Variants in RANBP3L observed in about 807,000 individuals in gnomAD.
RANBP3L encodes the protein RAN binding protein 3 like.
In RANBP3L, 56 loss-of-function variants were observed where a neutral mutation model predicts 67.2. The observed-to-expected ratio is 0.83, with a 90% CI of 0.67 to 1.04. The LOEUF (loss-of-function observed/expected upper bound fraction) is 1.04. RANBP3L is among the 50% of genes least tolerant of loss of function. RANBP3L has a pLI of 0.00. For missense variants in RANBP3L, 496 were observed against 535.5 expected (o/e 0.93, Z 0.73); for synonymous variants, 164 against 181.4 (o/e 0.90, Z 0.77).
intron 1 of RANBP3L, 61 bp downstream of exon 1, chr5:36,301,265 C>T: frequency 2.4e-6 from 3 of 1,273,582 alleles, no homozygotes; most frequent in Non-Finnish European, 3.4e-6. Flanking sequence ...CACCATTCTT[C>T]CTGGAATGCA....
intron 1 of RANBP3L, among the ~76,000 whole-genome samples, chr5:36,298,520 C>G (rs1377236072): frequency 6.6e-6 from 1 of 152,154 alleles, no homozygotes; most frequent in African/African-American, 2.4e-5. Flanking sequence ...GGGACCTTTG[C>G]TGAACTTCAC....
chr5:36,250,554 A>T lies in RANBP3L; in HGVS notation c.1354+759T>A, dbSNP rs1308075733. Among the ~76,000 whole-genome samples the T allele has an allele frequency of 3.9e-5, 6 of 152,202 alleles. No individual in the cohort carries two copies. The East Asian group carries it at 9.6e-4, about 24-fold the overall frequency. ...TGAAAAAAATGCTTGTTACCACACTATCGTTGTAATTGTATTACTCAGTCC... is the reference window on the plus strand; with the variant it reads ...TGAAAAAAATGCTTGTTACCACACTTTCGTTGTAATTGTATTACTCAGTCC... On this transcript the variant is annotated intron_variant, in intron 13 of 13. Transcript: ENST00000296604.
intron 6 of RANBP3L, among the ~76,000 whole-genome samples, chr5:36,263,456 A>G (rs1374142532): frequency 6.6e-6 from 1 of 152,240 alleles, no homozygotes; most frequent in Non-Finnish European, 1.5e-5. Context: ...CTCTATATTT[A>G]TAGTGCATGC....
chr5:36,286,187 T>A (rs1751315501), intron 1 of RANBP3L, among the ~76,000 whole-genome samples: 2 of 152,202 alleles, frequency 1.3e-5, no homozygotes, highest in Admixed American at 1.3e-4. Flanking sequence ...TTTGCTTTAT[T>A]TTAACATGGT....
chr5:36,264,826 G>T, intron 6 of RANBP3L, 133 bp downstream of exon 6: 1 of 729,384 alleles, frequency 1.4e-6, no homozygotes, highest in Non-Finnish European at 2.3e-6. Context: ...GTTTACCAAG[G>T]GCTTTATGCT....
chr5:36,249,544 T>C lies in RANBP3L; in HGVS notation c.*110A>G, dbSNP rs546648442. The C allele has an allele frequency of 2.7e-5, 14 of 512,290 alleles. No homozygotes were observed. Among genetic ancestry groups the C allele is most frequent in the Middle Eastern group, 6.0e-4 (2 of 3,358 alleles). The allele number at this position is 512,290 out of a possible 1,614,324, so 31.7% of individuals were successfully genotyped here. A position where few individuals can be genotyped will look rare whatever the true frequency, so the allele number is the denominator to read the frequency against. ...AAATTACATTTCTTAAACTTTTCTA[T>C]AAAAACTCTTCAAGGAATGAATAGA... On this transcript the variant is annotated 3_prime_UTR_variant, in exon 14 of 14. Transcript: ENST00000296604.
At chr5:36,268,996 C>T (rs1404976622) in intron 4 of RANBP3L, among the ~76,000 whole-genome samples, 2 of 152,156 alleles carry the variant, frequency 1.3e-5, no homozygotes, top group Non-Finnish European at 2.9e-5. Context: ...AGGTATGAGC[C>T]ACCGCGCCCA....
chr5:36,256,112 C>G (rs10041655), intron 10 of RANBP3L, among the ~76,000 whole-genome samples: 3,532 of 152,044 alleles, frequency 0.023, 160 homozygotes, highest in South Asian at 0.2. Context: ...AGCATGATAA[C>G]GTGGAGAAGT....
At chr5:36,259,389 C>T (rs755235975) in intron 8 of RANBP3L, among the ~76,000 whole-genome samples, 2 of 152,074 alleles carry the variant, frequency 1.3e-5, no homozygotes, top group African/African-American at 2.4e-5. Flanking sequence ...TTGAGGCCAG[C>T]CTGGCAACAT....
At chr5:36,265,568 A>G (rs755233281) in intron 4 of RANBP3L, 48 bp from the exon 5 acceptor site, 5 of 1,103,674 alleles carry the variant, frequency 4.5e-6, no homozygotes, top group East Asian at 5.0e-5. Flanking sequence ...AGAGTGTCAG[A>G]TTCTACACTA....
intron 6 of RANBP3L, 23 bp downstream of exon 6, chr5:36,264,936 T>C: frequency 6.2e-7 from 1 of 1,605,388 alleles, no homozygotes; most frequent in Non-Finnish European, 8.5e-7. Context: ...TGAGGTCAGT[T>C]CCGTTATCCT....
chr5:36,255,974 A>G (rs142531468), intron 10 of RANBP3L, among the ~76,000 whole-genome samples: 95 of 152,222 alleles, frequency 6.2e-4, no homozygotes, highest in African/African-American at 2.1e-3. Flanking sequence ...TGCCATACAT[A>G]CTTTCTGATT....
intron 13 of RANBP3L, among the ~76,000 whole-genome samples, chr5:36,249,951 G>GT (rs752332490): frequency 5.4e-4 from 82 of 151,946 alleles, no homozygotes; most frequent in Non-Finnish European, 8.9e-4. Flanking sequence ...TTTAGCATTT[G>GT]TTTTTACTGC....
intron 13 of RANBP3L, among the ~76,000 whole-genome samples, chr5:36,250,340 C>G (rs1748507598): frequency 1.3e-5 from 2 of 151,860 alleles, no homozygotes; most frequent in South Asian, 4.1e-4. Context: ...ATCATATTCA[C>G]TTAGTTTTCT....
chr5:36,264,530 T>G (rs1749617551), intron 6 of RANBP3L, among the ~76,000 whole-genome samples: 1 of 152,220 alleles, frequency 6.6e-6, no homozygotes, highest in Non-Finnish European at 1.5e-5. Context: ...TCTCTGCTCC[T>G]GTTATACTGG....
At chr5:36,280,219 A>T (rs949264110) in intron 1 of RANBP3L, among the ~76,000 whole-genome samples, 1 of 152,198 alleles carries the variant, frequency 6.6e-6, no homozygotes, top group Non-Finnish European at 1.5e-5. Flanking sequence ...AATGTGAACA[A>T]GAGGCAAGAA....
intron 1 of RANBP3L, among the ~76,000 whole-genome samples, chr5:36,288,683 T>C (rs1751497167): frequency 6.6e-6 from 1 of 152,168 alleles, no homozygotes; most frequent in African/African-American, 2.4e-5. Flanking sequence ...TAAAGTGACA[T>C]TTCATGGTGG....
At chr5:36,254,395 A>G (rs769774342) in intron 11 of RANBP3L, among the ~76,000 whole-genome samples, 1 of 152,120 alleles carries the variant, frequency 6.6e-6, no homozygotes, top group Non-Finnish European at 1.5e-5. Context: ...ACTTTAAAAA[A>G]AATTTTTTCA....
intron 13 of RANBP3L, 48 bp from the exon 14 acceptor site, chr5:36,249,745 G>T (rs1203997530): frequency 1.9e-6 from 2 of 1,038,700 alleles, no homozygotes; most frequent in African/African-American, 3.3e-5. Context: ...TATATTTAGG[G>T]TAGATTTTTA....
Sources: allele counts gnomAD v4.1 joint callset (sites outside exome capture counted in the v4.1 genomes callset), GRCh38; gene constraint gnomAD v4.1.1; transcripts MANE v1.5; gene names NCBI Gene and HGNC (gene_info 2026-07-23, HGNC 2026-07-21).